Variants in MSRB1 observed in about 807,000 individuals in gnomAD.
The protein encoded by MSRB1 is methionine sulfoxide reductase B1.
Under a neutral mutation model 15.2 loss-of-function variants are expected in MSRB1, and 13 were observed. The ratio of observed to expected loss-of-function variants is 0.86; its 90% CI spans 0.56 to 1.36. The LOEUF is 1.36. Ranked by LOEUF, MSRB1 falls within the 40% of genes most tolerant of loss-of-function variation. The probability of loss-of-function intolerance (pLI) is 0.00; values close to 1 mark genes in which losing one functional copy is unlikely to be tolerated. For synonymous variants in MSRB1, 68 were observed against 64.5 expected (o/e 1.05, Z -0.26); for missense variants, 174 against 155.9 (o/e 1.12, Z -0.62).
intron 1 of MSRB1, 52 bp from the exon 2 acceptor site, chr16:1,941,457 G>A (rs1451654268): frequency 6.5e-7 from 1 of 1,535,460 alleles, no homozygotes; most frequent in Middle Eastern, 1.8e-4. Flanking sequence ...GCCTTTCCGG[G>A]GTCAAGCTCC....
intron 1 of MSRB1, 122 bp from the exon 2 acceptor site, chr16:1,941,527 C>G: frequency 7.4e-7 from 1 of 1,358,932 alleles, no homozygotes. Context: ...GGCTGTGCTC[C>G]TTCCCCAGGC....
At position 1,941,228 on chromosome 16, in the gene MSRB1, G is replaced by C. The variant is rs376065678; in HGVS notation, c.204+29C>G. The C allele has an allele frequency of 2.1e-5, 32 of 1,544,176 alleles. No homozygotes were observed. In the African/African-American group the frequency reaches 3.8e-4, roughly 19 times the overall value. On this transcript the variant is annotated intron_variant, in intron 2 of 3. Coordinates refer to ENST00000361871, the MANE Select transcript of MSRB1 (RefSeq NM_016332.4). The stretch of plus-strand genomic sequence containing the variant: ...CTCTCTGCTCTCCCTGGCCGCCCCC[G>C]TCCCTCCCCCACCCCTGTGGCCTCT...
chr16:1,939,200 G>A, intron 3 of MSRB1, 57 bp from the exon 4 acceptor site: 1 of 1,569,414 alleles, frequency 6.4e-7, no homozygotes, highest in East Asian at 2.3e-5. Context: ...AGCAGGGGCG[G>A]AAAGCCGGGC....
chr16:1,939,050 G>A lies in MSRB1; in HGVS notation c.*62C>T. 2 of 1,597,686 alleles carry A rather than the reference G, an allele frequency of 1.3e-6. No homozygotes were observed. The highest frequency in any genetic ancestry group is 1.7e-6 in the Non-Finnish European group (2 of 1,167,610). On this transcript the variant is annotated 3_prime_UTR_variant, in exon 4 of 4. Coordinates refer to ENST00000361871, the MANE Select transcript of MSRB1 (RefSeq NM_016332.4). The stretch of plus-strand genomic sequence containing the variant: ...CGACGCCCAGGGTTCCAACTCCAAG[G>A]TGGAATGGCCAACGTGTGGCCTCAG...
intron 1 of MSRB1, 85 bp from the exon 2 acceptor site, chr16:1,941,490 G>C (rs1218172618): frequency 6.7e-7 from 1 of 1,486,132 alleles, no homozygotes; most frequent in Non-Finnish European, 9.0e-7. Flanking sequence ...CCCAGGCAAA[G>C]ACAGCGCTGC....
intron 3 of MSRB1, 30 bp from the exon 4 acceptor site, chr16:1,939,173 T>A (rs1347883958): frequency 3.2e-6 from 5 of 1,587,262 alleles, no homozygotes; most frequent in Non-Finnish European, 4.3e-6. Context: ...GCGGAAAGTA[T>A]GCGGGGACAG....
chr16:1,941,222 G>A (rs763252841), intron 2 of MSRB1, 35 bp downstream of exon 2: 18 of 1,611,732 alleles, frequency 1.1e-5, no homozygotes, highest in East Asian at 6.7e-5. Flanking sequence ...CTCCCTGGCC[G>A]CCCCCGTCCC....
intron 3 of MSRB1, among the ~76,000 whole-genome samples, chr16:1,940,088 A>G (rs943010588): frequency 2.6e-5 from 4 of 152,104 alleles, no homozygotes; most frequent in Non-Finnish European, 4.4e-5. Context: ...CCTGGCCACC[A>G]TGGTGAAACC....
intron 2 of MSRB1, 50 bp from the exon 3 acceptor site, chr16:1,940,942 A>G (rs761293764): frequency 6.2e-7 from 1 of 1,612,350 alleles, no homozygotes; most frequent in Admixed American, 1.7e-5. Flanking sequence ...TGATACAGCC[A>G]CAGTGAAGGC....
chr16:1,943,052 T>C (rs1169623894), intron 1 of MSRB1, 50 bp downstream of exon 1: 2 of 1,545,784 alleles, frequency 1.3e-6, no homozygotes, highest in Admixed American at 2.0e-5. Context: ...CCCCCGCTAA[T>C]GCGCGCCCCC....
intron 1 of MSRB1, among the ~76,000 whole-genome samples, chr16:1,942,317 G>C (rs1295034871): frequency 6.6e-6 from 1 of 152,236 alleles, no homozygotes; most frequent in East Asian, 1.9e-4. Context: ...CGCTACAGGG[G>C]TGCCACCCAG....
rs367932188 is a variant in MSRB1, at chr16:1,938,251, C to T, written c.*861G>A. ...CAGTACATCTGAATGTTTCATTTGT[C>T]TATGGATTTCCACCTGATTACTCCA... On this transcript the variant is annotated 3_prime_UTR_variant, in exon 4 of 4. Transcript: ENST00000361871. 1 of 152,204 alleles carries T rather than the reference C, an allele frequency of 6.6e-6. No homozygotes were observed. Among genetic ancestry groups the T allele is most frequent in the African/African-American group, 2.4e-5 (1 of 41,440 alleles). 9.4% of individuals were successfully genotyped at this position (152,204 alleles called of 1,614,324 possible).
At position 1,940,679 on chromosome 16, in the gene MSRB1, A is replaced by G. The variant is rs2083070777; in HGVS notation, c.319+99T>C. ...CCAGGCAGCGTGACTTGGTGGCCCCATACCTTGTCATGGTAAGTGGACAAG... is the reference window on the plus strand; with the variant it reads ...CCAGGCAGCGTGACTTGGTGGCCCCGTACCTTGTCATGGTAAGTGGACAAG... On this transcript the variant is annotated intron_variant, in intron 3 of 3. Transcript: ENST00000361871. 7 of 1,414,322 alleles carry G rather than the reference A, an allele frequency of 4.9e-6. No individual in the cohort carries two copies. The Admixed American group carries it at 7.0e-5, about 14-fold the overall frequency. 87.6% of individuals were successfully genotyped at this position (1,414,322 alleles called of 1,614,324 possible). A position where few individuals can be genotyped will look rare whatever the true frequency, so the allele number is the denominator to read the frequency against.
Position 1,943,159 on chromosome 16 carries a change from C to G in MSRB1, c.-3G>C, listed in dbSNP as rs572874528. 1.3e-6 allele frequency: 2 copies of G among 1,558,930 alleles called. No homozygotes were observed. The highest frequency in any genetic ancestry group is 3.8e-5 in the Admixed American group (2 of 52,452). Reference sequence around the variant, plus strand: ...CCGAAGAAGCTGCAGAACGACATGGCGCCACCGGAACCGCAGCGCGCTTGC... The same window carrying G: ...CCGAAGAAGCTGCAGAACGACATGGGGCCACCGGAACCGCAGCGCGCTTGC... On this transcript the variant is annotated 5_prime_UTR_variant, in exon 1 of 4. Transcript: ENST00000361871.
rs147144158 is a variant in MSRB1 at position 1,942,227 on chromosome 16, C to G, written c.56-822G>C. Among the ~76,000 whole-genome samples the G allele has an allele frequency of 1.4e-4, 22 of 152,344 alleles. 1 individual carries two copies. The highest frequency in any genetic ancestry group is 4.3e-4 in the African/African-American group (18 of 41,572). On this transcript the variant is annotated intron_variant, in intron 1 of 3. Transcript: ENST00000361871. ...GGAGTTTCTGGCTTGGCAGAGCAGC[C>G]TGAGGACAACTGGGATCTAAAGCCA... is the stretch of plus-strand genomic sequence containing the variant.
chr16:1,939,782 C>T (rs1260135608), intron 3 of MSRB1, among the ~76,000 whole-genome samples: 5 of 151,892 alleles, frequency 3.3e-5, no homozygotes, highest in African/African-American at 7.3e-5. Flanking sequence ...GGTGAAACCC[C>T]GTCTCTACTA....
At chr16:1,941,127 G>C in intron 2 of MSRB1, 130 bp downstream of exon 2, 1 of 1,552,616 alleles carries the variant, frequency 6.4e-7, no homozygotes, top group Non-Finnish European at 8.7e-7. Context: ...CTCCCTGGCA[G>C]AGGCAACAGG....
chr16:1,939,220 G>A (rs2083059573), intron 3 of MSRB1, 77 bp from the exon 4 acceptor site: 7 of 1,494,326 alleles, frequency 4.7e-6, no homozygotes, highest in African/African-American at 4.2e-5. Context: ...CGCGGGGGCG[G>A]TGGAAAGCCA....
Position 1,939,151 on chromosome 16 carries a change from A to C in MSRB1, c.320-8T>G. 5 of 1,603,490 alleles carry C rather than the reference A, an allele frequency of 3.1e-6. No homozygotes were observed. The highest frequency in any genetic ancestry group is 4.2e-6 in the Non-Finnish European group (5 of 1,176,710). ...AGGCAGAAGTTTCTTTGCCTGAAAG[A>C]GAGGAGAGGGGGCGGAAAGTATGCG... On this transcript the variant is annotated splice_region_variant and splice_polypyrimidine_tract_variant and intron_variant, in intron 3 of 3. Transcript: ENST00000361871.
Sources: gnomAD v4.1 joint callset for allele counts (sites outside exome capture counted in the v4.1 genomes callset) on GRCh38, gnomAD v4.1.1 for gene constraint, MANE v1.5 for transcripts, NCBI Gene and HGNC (gene_info 2026-07-23, HGNC 2026-07-21) for gene names.